Variants in PLA2G4E observed in about 807,000 individuals in gnomAD.
PLA2G4E encodes phospholipase A2 group IVE.
Under a neutral mutation model 109.1 loss-of-function variants are expected in PLA2G4E, and 84 were observed. The ratio of observed to expected loss-of-function variants is 0.77; its 90% CI spans 0.65 to 0.92. The LOEUF is 0.92. Ranked by LOEUF, PLA2G4E falls within the 40% of genes least tolerant of loss-of-function variation. PLA2G4E has a pLI of 0.00. For missense variants in PLA2G4E, 1,057 were observed against 1,076.6 expected (o/e 0.98, Z 0.25); for synonymous variants, 469 against 436.1 (o/e 1.08, Z -0.94).
exon 20 of PLA2G4E, chr15:41,983,944 T>A (rs748793494): frequency 9.3e-6 from 15 of 1,611,452 alleles, no homozygotes; most frequent in Non-Finnish European, 1.3e-5. Flanking sequence ...CACCTGGCCC[T>A]GCTCCAGCTC....
chr15:41,987,177 C>A (rs577173962), exon 17 of PLA2G4E: 1 of 1,613,400 alleles, frequency 6.2e-7, no homozygotes, highest in African/African-American at 1.3e-5. Context: ...GTTACCTTTC[C>A]ACCTAGAGAA....
At chr15:42,043,499 C>G (rs1216383650) in intron 1 of PLA2G4E, among the ~76,000 whole-genome samples, 1 of 143,218 alleles carries the variant, frequency 7.0e-6, no homozygotes, top group Non-Finnish European at 1.5e-5. Context: ...CTGGGTGGCT[C>G]TCACCTGCTA....
chr15:42,004,883 A>G, intron 5 of PLA2G4E, 55 bp downstream of exon 5: 1 of 1,598,296 alleles, frequency 6.3e-7, no homozygotes, highest in Non-Finnish European at 8.5e-7. Context: ...GCTCGTTCCC[A>G]GAAGCTACTT....
chr15:41,983,375 C>T (rs556270127), exon 20 of PLA2G4E: 3 of 219,604 alleles, frequency 1.4e-5, no homozygotes, highest in Admixed American at 5.0e-5. Context: ...GCCCGCCACA[C>T]GAGGTAGAGG....
exon 3 of PLA2G4E, chr15:42,007,735 T>G (rs985856655): frequency 2.5e-6 from 4 of 1,612,176 alleles, no homozygotes; most frequent in Non-Finnish European, 3.4e-6. Context: ...TCACCTTCAC[T>G]CGGCTCTGGA....
chr15:42,018,704 C>T (rs945782716), intron 1 of PLA2G4E, among the ~76,000 whole-genome samples: 1 of 152,058 alleles, frequency 6.6e-6, no homozygotes, highest in African/African-American at 2.4e-5. Flanking sequence ...CTCAGGCTGC[C>T]GACACACCGT....
chr15:42,039,741 A>G (rs528724599), intron 1 of PLA2G4E, among the ~76,000 whole-genome samples: 1 of 152,284 alleles, frequency 6.6e-6, no homozygotes, highest in African/African-American at 2.4e-5. Flanking sequence ...AGAAATAAAT[A>G]AGAAATTCAC....
intron 2 of PLA2G4E, among the ~76,000 whole-genome samples, chr15:42,012,168 C>T (rs567685463): frequency 6.6e-6 from 1 of 152,306 alleles, no homozygotes; most frequent in South Asian, 2.1e-4. Flanking sequence ...TATCCATTCA[C>T]ACTCAGCCCT....
At chr15:42,012,026 A>C (rs1053499536) in intron 2 of PLA2G4E, among the ~76,000 whole-genome samples, 3 of 152,216 alleles carry the variant, frequency 2.0e-5, no homozygotes, top group African/African-American at 7.2e-5. Flanking sequence ...TGGCAGACAC[A>C]GACCCAAACT....
In PLA2G4E at chr15:41,990,065, C is replaced by T. The variant is rs2068216515; in HGVS notation, c.1585+56G>A. 1.3e-5 allele frequency: 19 copies of T among 1,441,736 alleles called. No individual in the cohort carries two copies. The South Asian group carries it at 2.2e-4, about 17-fold the overall frequency. 89.3% of individuals were successfully genotyped at this position (1,441,736 alleles called of 1,614,324 possible). A position where few individuals can be genotyped will look rare whatever the true frequency, so the allele number is the denominator to read the frequency against. ...ACCTGGAGGTGCTGGGTGCTTTTGC[C>T]CACCAAGAAGTCCCCCCCTCCACCC... On this transcript the variant is annotated intron_variant, in intron 14 of 19. Transcript: ENST00000399518.
chr15:42,001,868 T>TG (rs200413165), intron 6 of PLA2G4E, among the ~76,000 whole-genome samples: 2,347 of 152,234 alleles, frequency 0.015, 63 homozygotes, highest in African/African-American at 0.054. Context: ...ATTTTTGTAT[T>TG]TTTTTGTAGG....
At chr15:41,995,318 G>T in intron 12 of PLA2G4E, 42 bp downstream of exon 12, 1 of 1,593,834 alleles carries the variant, frequency 6.3e-7, no homozygotes, top group Non-Finnish European at 8.6e-7. Flanking sequence ...CCTGTTCGTG[G>T]CTTGCCCTGG....
In PLA2G4E at chr15:42,000,016, G is replaced by C. The variant is rs536113774; in HGVS notation, c.853-16C>G. 4 of 1,599,492 alleles carry C rather than the reference G, an allele frequency of 2.5e-6. No individual in the cohort carries two copies. Among genetic ancestry groups the C allele is most frequent in the South Asian group, 1.1e-5 (1 of 88,248 alleles). On this transcript the variant is annotated splice_polypyrimidine_tract_variant and intron_variant, in intron 8 of 19. Coordinates refer to ENST00000399518, the Ensembl canonical transcript of PLA2G4E. ...GGCAGCAAAGCTGGAGGGATGGGTG[G>C]GTTCTGTGAGAGGGGCTGGGGAGCT...
At chr15:42,011,507 A>G (rs140604912) in intron 2 of PLA2G4E, among the ~76,000 whole-genome samples, 39 of 152,308 alleles carry the variant, frequency 2.6e-4, no homozygotes, top group Non-Finnish European at 5.1e-4. Flanking sequence ...GGATCACTTG[A>G]GCCCAGAAGT....
chr15:41,987,804 C>T (rs1014154521), intron 16 of PLA2G4E, among the ~76,000 whole-genome samples: 4 of 152,160 alleles, frequency 2.6e-5, no homozygotes, highest in Admixed American at 6.5e-5. Flanking sequence ...CCATAGGTGA[C>T]GATGCGGAAA....
intron 1 of PLA2G4E, among the ~76,000 whole-genome samples, chr15:42,016,581 G>A (rs2068597727): frequency 6.6e-6 from 1 of 152,206 alleles, no homozygotes; most frequent in African/African-American, 2.4e-5. Context: ...AGGTGATTCT[G>A]CCTACCTCAG....
At chr15:42,037,860 C>T (rs1239771100) in intron 1 of PLA2G4E, among the ~76,000 whole-genome samples, 2 of 152,238 alleles carry the variant, frequency 1.3e-5, no homozygotes, top group African/African-American at 2.4e-5. Flanking sequence ...CGGCAGCTGG[C>T]ATGTAGCCAG....
chr15:42,043,218 G>T (rs1889347440), intron 1 of PLA2G4E, among the ~76,000 whole-genome samples: 1 of 152,144 alleles, frequency 6.6e-6, no homozygotes, highest in Non-Finnish European at 1.5e-5. Context: ...CCTGTCAGCT[G>T]CTGGAAGCAT....
Position 41,986,863 on chromosome 15 carries a change from G to A in PLA2G4E, c.2035+309C>T, listed in dbSNP as rs1191134469. The A allele has an allele frequency of 6.0e-5, 24 of 399,332 alleles. 1 individual carries two copies. In the East Asian group the frequency reaches 6.6e-4, roughly 11 times the overall value. The allele number at this position is 399,332 out of a possible 1,614,324, so 24.7% of individuals were successfully genotyped here. A position where few individuals can be genotyped will look rare whatever the true frequency, so the allele number is the denominator to read the frequency against. On this transcript the variant is annotated intron_variant, in intron 17 of 19. Transcript: ENST00000399518. ...CATCCCCAGAACACAACTGCAGAAAGTAAGACCCCCTGTTTCCCCATCTGT... is the reference window on the plus strand; with the variant it reads ...CATCCCCAGAACACAACTGCAGAAAATAAGACCCCCTGTTTCCCCATCTGT...
Sources: gnomAD v4.1 joint callset for allele counts (sites outside exome capture counted in the v4.1 genomes callset) on GRCh38, gnomAD v4.1.1 for gene constraint, MANE v1.5 for transcripts, NCBI Gene and HGNC (gene_info 2026-07-23, HGNC 2026-07-21) for gene names.